LMBR1: variants seen among roughly 807,000 people sequenced by gnomAD.
LMBR1 encodes limb development membrane protein 1.
LMBR1 carries 52 observed loss-of-function variants against 73.9 expected under a neutral mutation model. The observed-to-expected ratio is 0.70, with a 90% CI of 0.56 to 0.89. LMBR1 has a LOEUF of 0.89. Among genes scored for constraint, LMBR1 ranks in the 40% least tolerant of loss-of-function variants. The pLI, the probability that LMBR1 is intolerant of heterozygous loss-of-function variation, is 0.00. For missense variants in LMBR1, 539 were observed against 579.8 expected, an observed-to-expected ratio of 0.93 and a Z score of 0.72; for synonymous variants, 215 against 209.4, an observed-to-expected ratio of 1.03 and a Z score of -0.23.
intron 9 of LMBR1, among the ~76,000 whole-genome samples, chr7:156,744,435 G>A (rs1423437826): frequency 2.6e-5 from 4 of 151,868 alleles, no homozygotes; most frequent in Non-Finnish European, 5.9e-5. Context: ...TTGCCTAGGA[G>A]TGTGTGGCCT....
At chr7:156,826,386 T>C (rs556511045) in intron 4 of LMBR1, among the ~76,000 whole-genome samples, 1 of 152,316 alleles carries the variant, frequency 6.6e-6, no homozygotes, top group East Asian at 1.9e-4. Context: ...AAATCATAAG[T>C]ATAAACACTG....
chr7:156,893,057 G>T lies in LMBR1; in HGVS notation c.-64C>A. ...TGCTCCGCCACACCATCGTCCGCCC[G>T]CCGCAGGGGCTCGGACAGCCGCGCC... On this transcript the variant is annotated 5_prime_UTR_variant, in exon 1 of 17. Coordinates refer to ENST00000353442, the MANE Select transcript of LMBR1 (RefSeq NM_022458.4). 1 of 1,396,306 alleles carries T rather than the reference G, an allele frequency of 7.2e-7. No individual in the cohort carries two copies. The allele number at this position is 1,396,306 out of a possible 1,614,324, so 86.5% of individuals were successfully genotyped here.
In LMBR1 at chr7:156,888,359, G is replaced by C. The variant is rs980520559; in HGVS notation, c.66+4569C>G. Among the ~76,000 whole-genome samples the C allele has an allele frequency of 2.0e-5, 3 of 148,634 alleles. No individual in the cohort carries two copies. In the East Asian group the frequency reaches 5.9e-4, roughly 29 times the overall value. On this transcript the variant is annotated intron_variant, in intron 1 of 16. Transcript: ENST00000353442. Reference sequence around the variant, plus strand: ...GGGGGGGCGGAGCTTGCAGTGAGCCGAGATTGAGTCACTGCACTCCAGCCT... The same window carrying C: ...GGGGGGGCGGAGCTTGCAGTGAGCCCAGATTGAGTCACTGCACTCCAGCCT...
At chr7:156,771,256 C>G (rs191147071) in intron 5 of LMBR1, among the ~76,000 whole-genome samples, 1 of 151,620 alleles carries the variant, frequency 6.6e-6, no homozygotes, top group South Asian at 2.1e-4. Context: ...AATAGAGACA[C>G]GAAAAACCAT....
chr7:156,768,482 T>C (rs763022386), intron 5 of LMBR1, among the ~76,000 whole-genome samples: 38 of 152,252 alleles, frequency 2.5e-4, no homozygotes, highest in Non-Finnish European at 4.7e-4. Context: ...AATTCCTAAG[T>C]ATGCCTCCAT....
At chr7:156,832,679 A>G (rs1275654414) in intron 3 of LMBR1, among the ~76,000 whole-genome samples, 1 of 152,224 alleles carries the variant, frequency 6.6e-6, no homozygotes, top group Non-Finnish European at 1.5e-5. Flanking sequence ...ATGTGTGTAC[A>G]AGTATGTGAA....
intron 5 of LMBR1, among the ~76,000 whole-genome samples, chr7:156,789,586 A>T (rs932499613): frequency 6.6e-6 from 1 of 152,192 alleles, no homozygotes; most frequent in Admixed American, 6.5e-5. Context: ...TCATAGATCA[A>T]AGATCAACAT....
At chr7:156,759,622 TACC>T (rs1822592725) in intron 8 of LMBR1, among the ~76,000 whole-genome samples, 1 of 152,234 alleles carries the variant, frequency 6.6e-6, no homozygotes, top group African/African-American at 2.4e-5. Flanking sequence ...TACTGAATGT[TACC>T]AACAAGAAAA....
intron 1 of LMBR1, among the ~76,000 whole-genome samples, chr7:156,875,543 G>C (rs896040749): frequency 6.6e-6 from 1 of 152,292 alleles, no homozygotes; most frequent in Non-Finnish European, 1.5e-5. Context: ...CAAGATGAAG[G>C]AAAGAATGTT....
intron 8 of LMBR1, among the ~76,000 whole-genome samples, chr7:156,759,125 C>A (rs1822487469): frequency 6.6e-6 from 1 of 152,122 alleles, no homozygotes; most frequent in Non-Finnish European, 1.5e-5. Context: ...AAGTCATAAC[C>A]GTGGCTTAAA....
rs1815220694 is a variant in LMBR1, at chr7:156,724,198, A to G, written c.1159-20T>C. The G allele has an allele frequency of 6.3e-7, 1 of 1,592,362 alleles. No homozygotes were observed. Among genetic ancestry groups the G allele is most frequent in the Non-Finnish European group, 8.6e-7 (1 of 1,163,582 alleles). Reference sequence around the variant, plus strand: ...AATGATCTGTTATGAGAAACGAGAAAGAATATTGGGCAGTTAAACAGCAGG... The same window carrying G: ...AATGATCTGTTATGAGAAACGAGAAGGAATATTGGGCAGTTAAACAGCAGG... On this transcript the variant is annotated intron_variant, in intron 14 of 16. Transcript: ENST00000353442.
intron 1 of LMBR1, among the ~76,000 whole-genome samples, chr7:156,855,540 T>C (rs1796825224): frequency 6.6e-6 from 1 of 151,478 alleles, no homozygotes; most frequent in Non-Finnish European, 1.5e-5. Flanking sequence ...GTAACAGGAA[T>C]ACCAGAAAAA....
chr7:156,691,695 T>C (rs1380561384), intron 15 of LMBR1, among the ~76,000 whole-genome samples: 1 of 152,180 alleles, frequency 6.6e-6, no homozygotes, highest in Non-Finnish European at 1.5e-5. Flanking sequence ...TAAATATCCA[T>C]GGTTTTAATG....
At chr7:156,868,302 TCCTGCCTTAGCTTC>T (rs1189047243) in intron 1 of LMBR1, among the ~76,000 whole-genome samples, 1 of 151,442 alleles carries the variant, frequency 6.6e-6, no homozygotes. Context: ...CAAGTAATTC[TCCTGCCTTAGCTTC>T]CCAAGTAGCT....
At chr7:156,695,105 T>A (rs1013557523) in intron 15 of LMBR1, among the ~76,000 whole-genome samples, 3 of 152,160 alleles carry the variant, frequency 2.0e-5, no homozygotes, top group Non-Finnish European at 4.4e-5. Context: ...AAGCAGGAGT[T>A]TGAGATCAGC....
rs1478115378 is a variant in LMBR1 at position 156,670,670 on chromosome 7, T to C, written n.867-1383A>G. Among the ~76,000 whole-genome samples, 1 of 152,048 alleles carries C rather than the reference T, an allele frequency of 6.6e-6. No homozygotes were observed. The highest frequency in any genetic ancestry group is 1.5e-5 in the Non-Finnish European group (1 of 68,014). On this transcript the variant is annotated intron_variant and non_coding_transcript_variant, in intron 4 of 4. Coordinates refer to the LMBR1 transcript ENST00000430825. The surrounding 1 kb of genome is among the most constrained non-coding windows in gnomAD (Gnocchi z 4.3). ...ACCCTGGGACCTGCAGATTTCCCAG[T>C]GGGAGCGGCAGAAGGTGAGATGGCA...
At position 156,724,173 on chromosome 7, in the gene LMBR1, A is replaced by T. The variant is rs961851994; in HGVS notation, c.1164T>A (p.Ile388=). 2 of 1,610,982 alleles carry T rather than the reference A, an allele frequency of 1.2e-6. No individual in the cohort carries two copies. The highest frequency in any genetic ancestry group is 1.7e-6 in the Non-Finnish European group (2 of 1,178,092). The part of the protein sequence containing the change: ...KKDDTTMTKI[I]GNCVSILVLS... ...AAACCAAGATGGACACACAATTTCC[A>T]ATGATCTGTTATGAGAAACGAGAAA... The change falls in exon 15 of 17, where the codon ATT becomes ATA. Residue 388 remains isoleucine, a synonymous_variant. Transcript: ENST00000353442.
At chr7:156,696,299 A>G (rs2131989732) in intron 15 of LMBR1, among the ~76,000 whole-genome samples, 1 of 152,368 alleles carries the variant, frequency 6.6e-6, no homozygotes, top group African/African-American at 2.4e-5. Flanking sequence ...AGAAATATTT[A>G]CACGTCATAT....
chr7:156,709,042 C>T (rs1811557463), intron 15 of LMBR1, among the ~76,000 whole-genome samples: 2 of 152,326 alleles, frequency 1.3e-5, no homozygotes, highest in Middle Eastern at 6.8e-3. Flanking sequence ...AACCCAGACC[C>T]ACCTGACCTT....
Sources: allele counts gnomAD v4.1 joint callset (sites outside exome capture counted in the v4.1 genomes callset), GRCh38; gene constraint gnomAD v4.1.1; non-coding constraint Gnocchi (gnomAD v3.1); transcripts MANE v1.5; gene names NCBI Gene and HGNC (gene_info 2026-07-23, HGNC 2026-07-21).